Variants in PRMT8 observed in about 807,000 individuals in gnomAD.
PRMT8 encodes protein arginine N-methyltransferase 8.
PRMT8 carries 7 observed loss-of-function variants against 47.1 expected under a neutral mutation model. That is an observed-to-expected ratio of 0.15 (90% confidence interval 0.08 to 0.28). PRMT8 has a LOEUF of 0.28. Among genes scored for constraint, PRMT8 ranks in the 10% least tolerant of loss-of-function variants. The pLI is 1.00. For synonymous variants in PRMT8, 188 were observed against 186.5 expected (o/e 1.01, Z -0.07); for missense variants, 237 against 505.4 (o/e 0.47, Z 5.09).
intron 8 of PRMT8, among the ~76,000 whole-genome samples, chr12:3,584,879 A>T (rs1339535566): frequency 1.3e-5 from 2 of 152,098 alleles, no homozygotes; most frequent in Non-Finnish European, 2.9e-5. Flanking sequence ...ACACCTTTTT[A>T]AAAAAACTTA....
At chr12:3,448,106 C>G (rs961955349) in intron 1 of PRMT8, among the ~76,000 whole-genome samples, 4 of 152,220 alleles carry the variant, frequency 2.6e-5, no homozygotes, top group African/African-American at 9.7e-5. Context: ...AAGCGATCCT[C>G]CAGCCTCAGC....
At chr12:3,588,949 T>C (rs1867239276) in intron 8 of PRMT8, among the ~76,000 whole-genome samples, 1 of 152,182 alleles carries the variant, frequency 6.6e-6, no homozygotes, top group Non-Finnish European at 1.5e-5. Flanking sequence ...CCACAACCCT[T>C]TCCTGAGCGC....
At position 3,568,821 on chromosome 12, in the gene PRMT8, G is replaced by A. The variant is rs145976218; in HGVS notation, c.597G>A (p.Thr199=). The change falls in exon 5 of 10, where the codon ACG becomes ACA. Residue 199 remains threonine, a synonymous_variant. Coordinates refer to ENST00000382622, the MANE Select transcript of PRMT8 (RefSeq NM_019854.5). The part of the protein sequence containing the change: ...YCLFYESMLN[T]VIFARDKWLK... ...TGTTCTATGAGTCCATGCTCAACAC[G>A]GTGATCTTTGCCAGGGACAAGTGGC... is the stretch of plus-strand genomic sequence containing the variant. 2.8e-4 allele frequency: 455 copies of A among 1,614,172 alleles called. 1 individual carries two copies. The East Asian group carries it at 6.3e-3, about 22-fold the overall frequency.
intron 1 of PRMT8, among the ~76,000 whole-genome samples, chr12:3,411,412 G>T (rs1343891797): frequency 1.3e-5 from 2 of 152,106 alleles, no homozygotes; most frequent in African/African-American, 4.8e-5. Context: ...GTTGTATGTT[G>T]TCCAGTTTTT....
chr12:3,396,313 G>A (rs986853081), intron 1 of PRMT8, among the ~76,000 whole-genome samples: 1 of 152,106 alleles, frequency 6.6e-6, no homozygotes, highest in Non-Finnish European at 1.5e-5. Context: ...AGTCTTGATG[G>A]TCTTTACATT....
At chr12:3,389,048 T>C (rs1242514568) in intron 1 of PRMT8, among the ~76,000 whole-genome samples, 5 of 152,168 alleles carry the variant, frequency 3.3e-5, no homozygotes, top group Admixed American at 3.3e-4. Flanking sequence ...CTGGGAATGA[T>C]GCCATTACAT....
At chr12:3,459,048 A>T (rs1186916603) in intron 1 of PRMT8, among the ~76,000 whole-genome samples, 3 of 152,164 alleles carry the variant, frequency 2.0e-5, no homozygotes, top group Non-Finnish European at 2.9e-5. Flanking sequence ...GTTCCTGTTA[A>T]GGTGTTGCTG....
chr12:3,450,776 C>T (rs547908260), intron 1 of PRMT8, among the ~76,000 whole-genome samples: 1 of 152,140 alleles, frequency 6.6e-6, no homozygotes, highest in African/African-American at 2.4e-5. Context: ...AAGTGTACTC[C>T]AAAGTTGAGA....
intron 1 of PRMT8, among the ~76,000 whole-genome samples, chr12:3,412,684 C>T (rs1864443383): frequency 6.6e-6 from 1 of 151,910 alleles, no homozygotes; most frequent in Non-Finnish European, 1.5e-5. Flanking sequence ...TGGCTGTGTC[C>T]CCACCCAAAT....
At chr12:3,565,581 C>T (rs190261964) in intron 4 of PRMT8, among the ~76,000 whole-genome samples, 1 of 152,280 alleles carries the variant, frequency 6.6e-6, no homozygotes, top group East Asian at 1.9e-4. Context: ...GAAGTCCAGA[C>T]TGTTGAGGAT....
In PRMT8 at chr12:3,491,744, C is replaced by G. The variant is rs762775660; in HGVS notation, c.75+44C>G. The G allele has an allele frequency of 3.8e-6, 6 of 1,566,818 alleles. No individual in the cohort carries two copies. The South Asian group carries it at 6.9e-5, about 18-fold the overall frequency. ...AGGGGCTCTCGGAGACCCCGCCGCC[C>G]ACCCGGACCACCGCGCCGCCGCCGC... is the stretch of plus-strand genomic sequence containing the variant. On this transcript the variant is annotated intron_variant, in intron 1 of 9. Transcript: ENST00000382622.
intron 1 of PRMT8, among the ~76,000 whole-genome samples, chr12:3,420,035 CAGAGAGAGAGAG>C (rs145716727): frequency 3.1e-4 from 41 of 131,884 alleles, no homozygotes; most frequent in Middle Eastern, 3.8e-3. Context: ...GAGAGACAGA[CAGAGAGAGAGAG>C]AGAGAGAGAG....
At chr12:3,578,437 T>C (rs1866990110) in intron 7 of PRMT8, among the ~76,000 whole-genome samples, 1 of 152,002 alleles carries the variant, frequency 6.6e-6, no homozygotes, top group Non-Finnish European at 1.5e-5. Flanking sequence ...TTGCCCAGGC[T>C]GGTCTCAAAC....
chr12:3,423,885 T>C (rs1054063521), intron 1 of PRMT8, among the ~76,000 whole-genome samples: 3 of 152,192 alleles, frequency 2.0e-5, no homozygotes, highest in Non-Finnish European at 4.4e-5. Flanking sequence ...TGCAATATTG[T>C]CCAATAATTG....
At chr12:3,413,454 C>T (rs1310268319) in intron 1 of PRMT8, among the ~76,000 whole-genome samples, 3 of 152,152 alleles carry the variant, frequency 2.0e-5, no homozygotes, top group Admixed American at 1.3e-4. Context: ...GATGCAAACA[C>T]GCATAGTATC....
chr12:3,540,907 G>A, intron 2 of PRMT8, 116 bp downstream of exon 2: 3 of 1,226,398 alleles, frequency 2.4e-6, no homozygotes, highest in Admixed American at 2.1e-5. Context: ...TGCTCCCAGT[G>A]TTCCTGAGTC....
chr12:3,518,871 A>G (rs541831877), intron 1 of PRMT8, among the ~76,000 whole-genome samples: 1 of 152,216 alleles, frequency 6.6e-6, no homozygotes, highest in Non-Finnish European at 1.5e-5. Context: ...AGGCCTTTTA[A>G]AGGTTAATTT....
chr12:3,567,931 G>T (rs894521345), intron 4 of PRMT8, among the ~76,000 whole-genome samples: 1 of 152,108 alleles, frequency 6.6e-6, no homozygotes, highest in Non-Finnish European at 1.5e-5. Context: ...AAATTAGCCG[G>T]GCGTGGTGGC....
chr12:3,447,725 T>C (rs1025117645), intron 1 of PRMT8, among the ~76,000 whole-genome samples: 6 of 152,196 alleles, frequency 3.9e-5, no homozygotes, highest in Non-Finnish European at 5.9e-5. Flanking sequence ...TAATGAGGAA[T>C]TTCAGTCATG....
Sources: gnomAD v4.1 joint callset for allele counts (sites outside exome capture counted in the v4.1 genomes callset) on GRCh38, gnomAD v4.1.1 for gene constraint, MANE v1.5 for transcripts, NCBI Gene and HGNC (gene_info 2026-07-23, HGNC 2026-07-21) for gene names.